Variants in CCDC7 observed in about 807,000 individuals in gnomAD.
CCDC7 encodes the protein coiled-coil domain containing 7.
CCDC7 carries 183 observed loss-of-function variants against 196.9 expected under a neutral mutation model. The ratio of observed to expected loss-of-function variants is 0.93; its 90% CI spans 0.82 to 1.05. The LOEUF (loss-of-function observed/expected upper bound fraction) is 1.05, where lower values mean the gene tolerates loss of function less well. Ranked by LOEUF, CCDC7 falls within the 50% of genes least tolerant of loss-of-function variation. CCDC7 has a pLI of 0.00. For synonymous variants in CCDC7, 525 were observed against 484.6 expected (o/e 1.08, Z -1.10); for missense variants, 1,540 against 1,482.2 (o/e 1.04, Z -0.64).
At chr10:32,670,950 A>G (rs183779261) in intron 21 of CCDC7, among the ~76,000 whole-genome samples, 6 of 152,252 alleles carry the variant, frequency 3.9e-5, no homozygotes, top group Admixed American at 3.9e-4. Flanking sequence ...TTAGTTCTAT[A>G]AATGGTACAA....
intron 16 of CCDC7, among the ~76,000 whole-genome samples, chr10:32,580,000 A>T (rs1337033474): frequency 6.6e-6 from 1 of 152,040 alleles, no homozygotes; most frequent in Non-Finnish European, 1.5e-5. Flanking sequence ...TAGCGAGCAG[A>T]GCACATTGCA....
intron 18 of CCDC7, among the ~76,000 whole-genome samples, chr10:32,623,970 G>A (rs751380322): frequency 2.8e-4 from 43 of 152,088 alleles, no homozygotes; most frequent in Admixed American, 7.2e-4. Context: ...ACCTCCCACC[G>A]GGCCCCACTT....
At chr10:32,608,650 C>T (rs560022004) in intron 18 of CCDC7, among the ~76,000 whole-genome samples, 2 of 152,142 alleles carry the variant, frequency 1.3e-5, no homozygotes, top group Non-Finnish European at 2.9e-5. Context: ...AAGCAATTCT[C>T]TTGCCTCAGC....
intron 20 of CCDC7, among the ~76,000 whole-genome samples, chr10:32,640,335 TAC>T (rs1309559774): frequency 6.6e-6 from 1 of 151,686 alleles, no homozygotes; most frequent in Non-Finnish European, 1.5e-5. Flanking sequence ...TGGTTTAAAG[TAC>T]TTTTTTTGTT....
At chr10:32,721,985 A>G (rs1021057225) in intron 25 of CCDC7, among the ~76,000 whole-genome samples, 4 of 152,136 alleles carry the variant, frequency 2.6e-5, no homozygotes, top group African/African-American at 9.7e-5. Context: ...TGAACTACCA[A>G]TAATCAATCG....
chr10:32,671,850 G>A (rs1213564704), intron 21 of CCDC7, among the ~76,000 whole-genome samples: 1 of 152,108 alleles, frequency 6.6e-6, no homozygotes, highest in Non-Finnish European at 1.5e-5. Context: ...TGAGGTTGGT[G>A]ATGACAAAGA....
intron 25 of CCDC7, among the ~76,000 whole-genome samples, chr10:32,718,866 G>T (rs2081998896): frequency 6.6e-6 from 1 of 151,998 alleles, no homozygotes; most frequent in Non-Finnish European, 1.5e-5. Context: ...GCTCAAGGAA[G>T]TAAGAGAAGA....
chr10:32,672,663 G>T (rs1015256337), intron 21 of CCDC7, among the ~76,000 whole-genome samples: 3 of 152,138 alleles, frequency 2.0e-5, no homozygotes, highest in Admixed American at 6.6e-5. Context: ...GGATCAGGCC[G>T]TTGGGAACCA....
intron 28 of CCDC7, among the ~76,000 whole-genome samples, chr10:32,756,441 G>T (rs958919279): frequency 3.9e-5 from 6 of 152,182 alleles, no homozygotes; most frequent in Middle Eastern, 3.2e-3. Context: ...GAAGAGAGTG[G>T]GGGCCAATAT....
chr10:32,795,472 A>G (rs1179709033), intron 29 of CCDC7, among the ~76,000 whole-genome samples: 3 of 152,146 alleles, frequency 2.0e-5, no homozygotes, highest in African/African-American at 7.2e-5. Context: ...AATTGCTTTT[A>G]TTTGTAATCT....
intron 24 of CCDC7, among the ~76,000 whole-genome samples, chr10:32,703,988 A>G (rs879282755): frequency 7.9e-5 from 12 of 151,270 alleles, no homozygotes; most frequent in Non-Finnish European, 1.5e-4. Context: ...GAGTAGTTTG[A>G]TCATCTGAAG....
chr10:32,651,254 CA>C (rs1431411747), intron 20 of CCDC7, among the ~76,000 whole-genome samples: 4 of 152,184 alleles, frequency 2.6e-5, no homozygotes, highest in African/African-American at 9.7e-5. Context: ...ACCCCTTCCT[CA>C]GGCACCATTT....
intron 41 of CCDC7, among the ~76,000 whole-genome samples, chr10:32,871,150 G>C (rs2094414279): frequency 6.6e-6 from 1 of 152,196 alleles, no homozygotes; most frequent in Admixed American, 6.5e-5. Context: ...TTTTTCTATT[G>C]ATTGGAGTAG....
chr10:32,709,887 G>A (rs200540496), intron 24 of CCDC7, among the ~76,000 whole-genome samples: 134 of 113,728 alleles, frequency 1.2e-3, no homozygotes, highest in African/African-American at 3.2e-3. Flanking sequence ...TCTCACTCTC[G>A]TCATTGACTG....
chr10:32,536,145 A>G (rs1300294874), intron 11 of CCDC7, among the ~76,000 whole-genome samples: 5 of 149,754 alleles, frequency 3.3e-5, no homozygotes, highest in Non-Finnish European at 7.4e-5. Context: ...ACATGTATCT[A>G]ACTACCCGTT....
At chr10:32,478,426 ATGT>A (rs953448241) in intron 8 of CCDC7, among the ~76,000 whole-genome samples, 132 of 152,292 alleles carry the variant, frequency 8.7e-4, no homozygotes, top group African/African-American at 3.1e-3. Context: ...TGTAAGTATG[ATGT>A]TAGCTATAAA....
intron 18 of CCDC7, among the ~76,000 whole-genome samples, chr10:32,619,504 A>G (rs565498915): frequency 6.6e-6 from 1 of 152,300 alleles, no homozygotes; most frequent in East Asian, 1.9e-4. Flanking sequence ...AGAATAAAAC[A>G]TATAGAATAA....
chr10:32,854,295 G>T (rs1167462499), intron 40 of CCDC7, 105 bp from the exon 42 acceptor site: 5 of 671,670 alleles, frequency 7.4e-6, no homozygotes, highest in Non-Finnish European at 1.2e-5. Context: ...AAAAAAAGTT[G>T]TAAGGAAACT....
intron 41 of CCDC7, among the ~76,000 whole-genome samples, chr10:32,864,530 A>G (rs2094135498): frequency 1.3e-5 from 2 of 151,502 alleles, no homozygotes; most frequent in South Asian, 4.1e-4. Context: ...TAATGCAATT[A>G]AAATCAGAAA....
Sources: gnomAD v4.1 joint callset for allele counts (sites outside exome capture counted in the v4.1 genomes callset) on GRCh38, gnomAD v4.1.1 for gene constraint, MANE v1.5 for transcripts, NCBI Gene and HGNC (gene_info 2026-07-23, HGNC 2026-07-21) for gene names.